Variants in IMMP2L observed in about 807,000 individuals in gnomAD.
IMMP2L encodes mitochondrial inner membrane protease subunit 2.
A neutral mutation model predicts 19.3 loss-of-function variants in IMMP2L; 18 were observed. The ratio of observed to expected loss-of-function variants is 0.93; its 90% CI spans 0.64 to 1.38. IMMP2L has a LOEUF of 1.38. Among genes scored for constraint, IMMP2L ranks in the 40% most tolerant of loss-of-function variants. IMMP2L has a pLI of 0.00. For missense variants in IMMP2L, 233 were observed against 218.2 expected (o/e 1.07, Z -0.43); for synonymous variants, 76 against 73.0 (o/e 1.04, Z -0.21).
chr7:110,734,362 C>T (rs1796476358), intron 5 of IMMP2L, among the ~76,000 whole-genome samples: 1 of 152,168 alleles, frequency 6.6e-6, no homozygotes, highest in Non-Finnish European at 1.5e-5. Context: ...AAGACCTTGG[C>T]TGAACTGTTT....
chr7:111,227,128 C>A (rs1476949701), intron 3 of IMMP2L, among the ~76,000 whole-genome samples: 4 of 151,986 alleles, frequency 2.6e-5, no homozygotes, highest in Admixed American at 2.6e-4. Flanking sequence ...TTCAATGGTT[C>A]CAGATATCAT....
chr7:111,507,489 G>C lies in IMMP2L; in HGVS notation c.135+13824C>G, dbSNP rs188528126. On this transcript the variant is annotated intron_variant, in intron 2 of 5. Coordinates refer to ENST00000405709, the MANE Select transcript of IMMP2L (RefSeq NM_032549.4). ...TAAGTACCATAAAACACAGATCATC[G>C]TAATTCCAGTCCGCAGTAACAGATA... Among the ~76,000 whole-genome samples the C allele has an allele frequency of 2.9e-3, 446 of 152,086 alleles. 4 individuals carry two copies. The highest frequency in any genetic ancestry group is 0.019 in the Admixed American group (287 of 15,262).
At chr7:111,043,752 A>T (rs763114723) in intron 3 of IMMP2L, among the ~76,000 whole-genome samples, 1 of 152,232 alleles carries the variant, frequency 6.6e-6, no homozygotes, top group Non-Finnish European at 1.5e-5. Context: ...GTAATGAAGA[A>T]ATCTTAGTTA....
chr7:111,155,618 A>G (rs528664869), intron 3 of IMMP2L, among the ~76,000 whole-genome samples: 1 of 152,024 alleles, frequency 6.6e-6, no homozygotes, highest in East Asian at 1.9e-4. Flanking sequence ...TTGCACATAA[A>G]TTTCCATGAA....
chr7:111,304,269 A>G (rs1236009221), intron 3 of IMMP2L, among the ~76,000 whole-genome samples: 1 of 152,024 alleles, frequency 6.6e-6, no homozygotes, highest in Non-Finnish European at 1.5e-5. Flanking sequence ...TCAATGTCCA[A>G]ATAACATGTG....
In IMMP2L at chr7:110,808,325, C is replaced by T. The variant is rs538557748; in HGVS notation, c.408+78268G>A. Among the ~76,000 whole-genome samples the T allele has an allele frequency of 3.0e-4, 46 of 152,134 alleles. 1 individual carries two copies. In the East Asian group the frequency reaches 7.8e-3, roughly 26 times the overall value. ...AGTATAAAGCAGAGCAGCCACCATG[C>T]GCTAACAATCTCAGTACATCTGCTG... On this transcript the variant is annotated intron_variant, in intron 5 of 5. Coordinates refer to ENST00000405709, the MANE Select transcript of IMMP2L (RefSeq NM_032549.4).
chr7:111,085,962 C>G (rs1037080095), intron 3 of IMMP2L, among the ~76,000 whole-genome samples: 1 of 151,972 alleles, frequency 6.6e-6, no homozygotes, highest in Non-Finnish European at 1.5e-5. Flanking sequence ...ACTGGTGCCT[C>G]CTGGAGGGTT....
At position 110,877,817 on chromosome 7, in the gene IMMP2L, ACT is replaced by A. The variant is rs1809232590; in HGVS notation, c.408+8774_408+8775del. Among the ~76,000 whole-genome samples the A allele has an allele frequency of 6.6e-6, 1 of 152,086 alleles. No homozygotes were observed. The highest frequency in any genetic ancestry group is 2.4e-5 in the African/African-American group (1 of 41,414). On this transcript the variant is annotated intron_variant, in intron 5 of 5. Transcript: ENST00000405709. The surrounding 1 kb of genome is among the most constrained non-coding windows in gnomAD (Gnocchi z 4.0). The stretch of plus-strand genomic sequence containing the variant: ...AGCACTAGCAAAGTGTGACATTCTA[ACT>A]CTGATTATTCACCAGGTATTTACTC...
chr7:110,980,748 T>C (rs1821212709), intron 3 of IMMP2L, among the ~76,000 whole-genome samples: 2 of 152,226 alleles, frequency 1.3e-5, no homozygotes, highest in Non-Finnish European at 2.9e-5. Context: ...ATGTTAATTT[T>C]TGGCATAATA....
intron 2 of IMMP2L, among the ~76,000 whole-genome samples, chr7:111,495,004 C>A (rs1191272763): frequency 6.6e-6 from 1 of 151,876 alleles, no homozygotes; most frequent in African/African-American, 2.4e-5. Context: ...TTATGTGGGG[C>A]CTTAATTGTT....
intron 3 of IMMP2L, among the ~76,000 whole-genome samples, chr7:111,436,425 A>G (rs1837170221): frequency 6.6e-6 from 1 of 151,820 alleles, no homozygotes; most frequent in African/African-American, 2.4e-5. Flanking sequence ...ATTTCTCAGC[A>G]TAATATTTCA....
intron 1 of IMMP2L, among the ~76,000 whole-genome samples, chr7:111,539,214 GA>G (rs1563330995): frequency 1.1e-5 from 1 of 94,928 alleles, no homozygotes; most frequent in South Asian, 3.7e-4. Context: ...AAGAAAGAAA[GA>G]AAGAAAGAAA....
intron 5 of IMMP2L, among the ~76,000 whole-genome samples, chr7:110,775,171 G>C (rs1421069667): frequency 3.3e-5 from 5 of 151,696 alleles, no homozygotes; most frequent in African/African-American, 1.2e-4. Context: ...ACTGACTCTT[G>C]ATAATGAGAT....
chr7:110,807,025 G>A (rs2131249186), intron 5 of IMMP2L, among the ~76,000 whole-genome samples: 1 of 152,054 alleles, frequency 6.6e-6, no homozygotes, highest in Non-Finnish European at 1.5e-5. Context: ...GGACCATAAT[G>A]ACCAATCTAT....
intron 5 of IMMP2L, among the ~76,000 whole-genome samples, chr7:110,846,995 G>T (rs78492064): frequency 0.019 from 2,908 of 152,212 alleles, 113 homozygotes; most frequent in African/African-American, 0.067. Context: ...AGTTTCTTCA[G>T]TGTTTTCCAG....
chr7:110,783,093 G>A (rs954692775), intron 5 of IMMP2L, among the ~76,000 whole-genome samples: 1 of 151,790 alleles, frequency 6.6e-6, no homozygotes, highest in Non-Finnish European at 1.5e-5. Context: ...GGATCTCGAG[G>A]TGTATAATGT....
intron 5 of IMMP2L, among the ~76,000 whole-genome samples, chr7:110,817,537 C>G (rs187803247): frequency 6.6e-6 from 1 of 152,020 alleles, no homozygotes; most frequent in Non-Finnish European, 1.5e-5. Flanking sequence ...GCCATACTGC[C>G]CAAGGTAATT....
chr7:111,219,004 T>C (rs957662468), intron 3 of IMMP2L, among the ~76,000 whole-genome samples: 2 of 152,000 alleles, frequency 1.3e-5, no homozygotes, highest in Non-Finnish European at 2.9e-5. Context: ...AATTCATCTA[T>C]GTTGAGCCAC....
At position 111,242,869 on chromosome 7, in the gene IMMP2L, T is replaced by C. The variant is rs139553234; in HGVS notation, c.239+244369A>G. 4.4e-3 allele frequency among the ~76,000 whole-genome samples: 666 copies of C among 152,244 alleles called. 6 individuals carry two copies. The highest frequency in any genetic ancestry group is 5.8e-3 in the Non-Finnish European group (395 of 68,020). ...TAAGATTTTGGACTCCGACATACTA[T>C]TTTCTTTCATAATGACTCTATTTAG... is the stretch of plus-strand genomic sequence containing the variant. On this transcript the variant is annotated intron_variant, in intron 3 of 5. Coordinates refer to ENST00000405709, the MANE Select transcript of IMMP2L (RefSeq NM_032549.4).
Sources: allele counts gnomAD v4.1 joint callset (sites outside exome capture counted in the v4.1 genomes callset), GRCh38; gene constraint gnomAD v4.1.1; non-coding constraint Gnocchi (gnomAD v3.1); transcripts MANE v1.5; gene names NCBI Gene and HGNC (gene_info 2026-07-23, HGNC 2026-07-21).